Variants in PHLPP1 observed in about 807,000 individuals in gnomAD.
PHLPP1 encodes PH domain leucine-rich repeat-containing protein phosphatase 1.
Under a neutral mutation model 117.2 loss-of-function variants are expected in PHLPP1, and 42 were observed. That is an observed-to-expected ratio of 0.36 (90% CI 0.28 to 0.46). The LOEUF (loss-of-function observed/expected upper bound fraction) is 0.46, where lower values mean the gene tolerates loss of function less well. PHLPP1 is among the 20% of genes least tolerant of loss of function. The pLI is 1.00. For missense variants in PHLPP1, 2,084 were observed against 2,241.9 expected (o/e 0.93, Z 1.42); for synonymous variants, 1,042 against 970.7 (o/e 1.07, Z -1.37).
In PHLPP1 at chr18:62,715,767, T is replaced by TGCGGCA. The variant is rs1308226738; in HGVS notation, c.87_92dup (p.Ala39_Ala40dup). 1 of 702,900 alleles carries TGCGGCA rather than the reference T, an allele frequency of 1.4e-6. No homozygotes were observed. Among genetic ancestry groups the TGCGGCA allele is most frequent in the African/African-American group, 2.0e-5 (1 of 49,866 alleles). The allele number at this position is 702,900 out of a possible 1,614,324, so 43.5% of individuals were successfully genotyped here. On this transcript the variant is annotated inframe_insertion, in exon 1 of 17. Coordinates refer to ENST00000262719, the MANE Select transcript of PHLPP1 (RefSeq NM_194449.4). ...GAGCTTCGGCTCCGGCGGCCGCCGC[T>TGCGGCA]GCGGCAGCAGCAGCAGCAGCGGCGG...
intron 15 of PHLPP1, among the ~76,000 whole-genome samples, chr18:62,974,100 C>T (rs577279712): frequency 6.6e-6 from 1 of 152,302 alleles, no homozygotes; most frequent in African/African-American, 2.4e-5. Flanking sequence ...TTTATGCACC[C>T]TCAAGCACTG....
chr18:62,737,165 G>A (rs1939257745), intron 1 of PHLPP1, among the ~76,000 whole-genome samples: 1 of 152,134 alleles, frequency 6.6e-6, no homozygotes, highest in African/African-American at 2.4e-5. Flanking sequence ...GGATTCCTGG[G>A]AAAGATTCTC....
intron 12 of PHLPP1, among the ~76,000 whole-genome samples, chr18:62,952,972 CTG>C (rs1415854384): frequency 5.3e-5 from 8 of 152,112 alleles, no homozygotes; most frequent in African/African-American, 9.7e-5. Flanking sequence ...ACTCTCAGGT[CTG>C]TGTTTAGGGT....
intron 8 of PHLPP1, among the ~76,000 whole-genome samples, chr18:62,912,507 A>C (rs1321674923): frequency 1.4e-5 from 2 of 147,618 alleles, no homozygotes; most frequent in South Asian, 2.2e-4. Flanking sequence ...CACTCCTCCC[A>C]CCCCCCAGCA....
intron 1 of PHLPP1, among the ~76,000 whole-genome samples, chr18:62,771,648 G>A (rs1912782409): frequency 6.6e-6 from 1 of 152,248 alleles, no homozygotes; most frequent in African/African-American, 2.4e-5. Context: ...TGAGGGACCA[G>A]GAAGTGGGTC....
At chr18:62,869,039 T>A (rs979657147) in intron 4 of PHLPP1, among the ~76,000 whole-genome samples, 1 of 152,250 alleles carries the variant, frequency 6.6e-6, no homozygotes, top group Non-Finnish European at 1.5e-5. Flanking sequence ...AAGCTGTATG[T>A]ATAACTAAAT....
intron 1 of PHLPP1, among the ~76,000 whole-genome samples, chr18:62,813,246 C>A (rs1599060621): frequency 6.6e-6 from 1 of 152,168 alleles, no homozygotes; most frequent in African/African-American, 2.4e-5. Flanking sequence ...TGTAATGAAA[C>A]CCACATTTGA....
intron 4 of PHLPP1, among the ~76,000 whole-genome samples, chr18:62,889,837 G>T (rs1916364845): frequency 6.6e-6 from 1 of 152,192 alleles, no homozygotes. Context: ...TATATCAGTT[G>T]TTATCAGTTC....
chr18:62,866,731 A>C (rs1035452482), intron 4 of PHLPP1, among the ~76,000 whole-genome samples: 1 of 152,244 alleles, frequency 6.6e-6, no homozygotes, highest in Non-Finnish European at 1.5e-5. Flanking sequence ...TATTTTGGGC[A>C]TGACCCACTT....
chr18:62,800,386 T>C (rs887250550), intron 1 of PHLPP1, among the ~76,000 whole-genome samples: 31 of 152,236 alleles, frequency 2.0e-4, no homozygotes, highest in African/African-American at 7.0e-4. Flanking sequence ...TGTATAGTTT[T>C]TGTGGTTTGA....
At chr18:62,970,413 C>T (rs746830032) in intron 14 of PHLPP1, among the ~76,000 whole-genome samples, 1 of 152,138 alleles carries the variant, frequency 6.6e-6, no homozygotes, top group Non-Finnish European at 1.5e-5. Flanking sequence ...CTCCCAATAC[C>T]CATTAGAATA....
chr18:62,814,898 A>AC lies in PHLPP1; in HGVS notation c.1577-15136dup, dbSNP rs368645487. 3.8e-3 allele frequency among the ~76,000 whole-genome samples: 582 copies of AC among 152,340 alleles called. 2 individuals carry two copies. Among genetic ancestry groups the AC allele is most frequent in the African/African-American group, 0.013 (553 of 41,578 alleles). ...GTAAATAGAATTATGTGAAACCAACACAGTAAAGTTGTGAGGTTTTGCCCC... is the reference window on the plus strand; with the variant it reads ...GTAAATAGAATTATGTGAAACCAACACCAGTAAAGTTGTGAGGTTTTGCCCC... On this transcript the variant is annotated intron_variant, in intron 1 of 16. Coordinates refer to ENST00000262719, the MANE Select transcript of PHLPP1 (RefSeq NM_194449.4).
chr18:62,813,863 A>G (rs550578771), intron 1 of PHLPP1, among the ~76,000 whole-genome samples: 12 of 152,142 alleles, frequency 7.9e-5, no homozygotes, highest in Non-Finnish European at 1.5e-4. Context: ...ACAAACATAC[A>G]ATCAGTGATC....
chr18:62,861,667 C>T (rs1915636612), intron 4 of PHLPP1, among the ~76,000 whole-genome samples: 1 of 152,142 alleles, frequency 6.6e-6, no homozygotes, highest in African/African-American at 2.4e-5. Context: ...AATGTGATAA[C>T]CATTGTGATT....
rs562935530 is a variant in PHLPP1, at chr18:62,735,785, G to T, written c.1576+18526G>T. Among the ~76,000 whole-genome samples the T allele has an allele frequency of 2.0e-5, 3 of 152,120 alleles. No individual in the cohort carries two copies. In the East Asian group the frequency reaches 5.8e-4, roughly 29 times the overall value. ...AGTATCTTCTTTATCTTTTAGAAAC[G>T]TATGTAATATTGGAATAGACTAAAC... On this transcript the variant is annotated intron_variant, in intron 1 of 16. Coordinates refer to ENST00000262719, the MANE Select transcript of PHLPP1 (RefSeq NM_194449.4).
chr18:62,886,220 C>T (rs920951638), intron 4 of PHLPP1, among the ~76,000 whole-genome samples: 7 of 152,212 alleles, frequency 4.6e-5, no homozygotes, highest in African/African-American at 1.7e-4. Context: ...CCTGTCCCCA[C>T]TTTGACCTTC....
rs183151546 is a variant in PHLPP1 at position 62,919,319 on chromosome 18, A to G, written c.2805-640A>G. 1.6e-3 allele frequency among the ~76,000 whole-genome samples: 250 copies of G among 152,264 alleles called. 3 individuals carry two copies. Among genetic ancestry groups the G allele is most frequent in the African/African-American group, 5.9e-3 (246 of 41,554 alleles). On this transcript the variant is annotated intron_variant, in intron 9 of 16. Transcript: ENST00000262719. ...ACAAGAAACACAGCCAAGCTTCCAA[A>G]CAGCTCTTTAAGTCTCTCAAGAAAA...
At chr18:62,729,062 C>T (rs1192169351) in intron 1 of PHLPP1, among the ~76,000 whole-genome samples, 1 of 151,938 alleles carries the variant, frequency 6.6e-6, no homozygotes, top group African/African-American at 2.4e-5. Flanking sequence ...CAGTTAATTC[C>T]CAGAAAAAAT....
intron 1 of PHLPP1, among the ~76,000 whole-genome samples, chr18:62,762,657 A>G (rs557029128): frequency 4.0e-5 from 6 of 151,794 alleles, no homozygotes; most frequent in Admixed American, 3.9e-4. Context: ...CAAATGATCC[A>G]CCTGCCTTGG....
Sources: allele counts gnomAD v4.1 joint callset (sites outside exome capture counted in the v4.1 genomes callset), GRCh38; gene constraint gnomAD v4.1.1; transcripts MANE v1.5; gene names NCBI Gene and HGNC (gene_info 2026-07-23, HGNC 2026-07-21).